Variants in PUS1 observed in about 807,000 individuals in gnomAD.
PUS1 encodes the protein pseudouridine synthase 1.
Under a neutral mutation model 38.5 loss-of-function variants are expected in PUS1, and 25 were observed. The observed-to-expected ratio is 0.65, with a 90% CI of 0.47 to 0.91. PUS1 has a LOEUF of 0.91. Among genes scored for constraint, PUS1 ranks in the 40% least tolerant of loss-of-function variants. The probability of loss-of-function intolerance (pLI) is 0.00; values close to 1 mark genes in which losing one functional copy is unlikely to be tolerated. For missense variants in PUS1, 597 were observed against 612.3 expected (o/e 0.97, Z 0.26); for synonymous variants, 282 against 260.4 (o/e 1.08, Z -0.80).
intron 3 of PUS1, among the ~76,000 whole-genome samples, chr12:131,936,067 C>T (rs1241463787): frequency 1.3e-5 from 2 of 150,440 alleles, no homozygotes; most frequent in East Asian, 2.0e-4. Flanking sequence ...AAAAATTAGC[C>T]GGGTGTGTTG....
intron 2 of PUS1, among the ~76,000 whole-genome samples, chr12:131,931,214 A>G (rs1042676236): frequency 3.9e-5 from 6 of 152,096 alleles, no homozygotes; most frequent in Non-Finnish European, 7.4e-5. Context: ...GCTGGAGTGC[A>G]GTGGTGGGAT....
intron 4 of PUS1, 46 bp downstream of exon 4, chr12:131,939,321 C>A: frequency 2.5e-6 from 3 of 1,209,882 alleles, no homozygotes; most frequent in Admixed American, 2.0e-5. Flanking sequence ...TGTAGATGGT[C>A]TTGCAGAGAC....
chr12:131,929,755 C>A lies in PUS1; in HGVS notation c.33C>A (p.Ala11=), dbSNP rs1466911864. The A allele has an allele frequency of 6.3e-7, 1 of 1,592,890 alleles. No homozygotes were observed. The highest frequency in any genetic ancestry group is 8.5e-7 in the Non-Finnish European group (1 of 1,176,900). The part of the protein sequence containing the change: MGLQLRALLG[A]FGRWTLRLGP... ...TCCAGCTTCGCGCGCTGTTGGGAGC[C>A]TTCGGACGGTGGACCCTGCGCCTGG... Residue 11 remains alanine (A), a synonymous_variant, in exon 1 of 6, where the codon GCC becomes GCA. Coordinates refer to ENST00000376649, the MANE Select transcript of PUS1 (RefSeq NM_025215.6).
chr12:131,941,582 T>C lies in PUS1; in HGVS notation c.835T>C (p.Phe279Leu). The C allele has an allele frequency of 6.2e-7, 1 of 1,613,892 alleles. No individual in the cohort carries two copies. Among genetic ancestry groups the C allele is most frequent in the Non-Finnish European group, 8.5e-7 (1 of 1,179,962 alleles). Reference sequence around the variant, plus strand: ...ACCCTTTGTGCGGGAGGGCCTGGAGTTTGCGGTGATCAGGGTGAAGGGCCA... The same window carrying C: ...ACCCTTTGTGCGGGAGGGCCTGGAGCTTGCGGTGATCAGGGTGAAGGGCCA... ...EEPFVREGLEFAVIRVKGQSF... is the reference protein window; with the variant it reads ...EEPFVREGLELAVIRVKGQSF... Residue 279 changes from phenylalanine to leucine, a missense_variant, in exon 5 of 6, where the codon TTT (phenylalanine) becomes CTT (leucine). Transcript: ENST00000376649. This position sits in a 1 kb window ranked among gnomAD's most constrained non-coding sequence, Gnocchi z 4.4.
chr12:131,938,405 C>T (rs1208983071), intron 3 of PUS1, among the ~76,000 whole-genome samples: 1 of 152,168 alleles, frequency 6.6e-6, no homozygotes, highest in Non-Finnish European at 1.5e-5. Flanking sequence ...AGATCGGCAC[C>T]ACTGCACTCC....
chr12:131,942,616 C>G (rs935743357), intron 5 of PUS1, among the ~76,000 whole-genome samples: 1 of 152,142 alleles, frequency 6.6e-6, no homozygotes, highest in Non-Finnish European at 1.5e-5. Flanking sequence ...CCATGTTAGC[C>G]AGGATGGTCT....
chr12:131,931,500 A>G (rs565459536), intron 2 of PUS1: 4 of 153,238 alleles, frequency 2.6e-5, no homozygotes, highest in African/African-American at 9.7e-5. Flanking sequence ...GATTCAAGCA[A>G]TTCTCCTGCC....
At position 131,941,628 on chromosome 12, in the gene PUS1, T is replaced by C. The variant is rs1891074269; in HGVS notation, c.881T>C (p.Ile294Thr). The C allele has an allele frequency of 6.2e-7, 1 of 1,614,120 alleles. No homozygotes were observed. Among genetic ancestry groups the C allele is most frequent in the Admixed American group, 1.7e-5 (1 of 60,008 alleles). Reference sequence around the variant, plus strand: ...GGCCAGAGCTTCATGATGCATCAGATCCGGAAGATGGTCGGCCTGGTGGTG... The same window carrying C: ...GGCCAGAGCTTCATGATGCATCAGACCCGGAAGATGGTCGGCCTGGTGGTG... ...VKGQSFMMHQIRKMVGLVVAI... is the reference protein window; with the variant it reads ...VKGQSFMMHQTRKMVGLVVAI... Residue 294 changes from isoleucine (I) to threonine (T), a missense_variant, in exon 5 of 6, where the codon ATC becomes ACC. Physicochemically the swap from Ile to Thr is moderately conservative, Grantham distance 89. Transcript: ENST00000376649. This position sits in a 1 kb window ranked among gnomAD's most constrained non-coding sequence, Gnocchi z 4.4.
chr12:131,941,394 A>G lies in PUS1; in HGVS notation c.647A>G (p.Asp216Gly), dbSNP rs528150799. The G allele has an allele frequency of 7.4e-6, 12 of 1,614,186 alleles. No individual in the cohort carries two copies. Among genetic ancestry groups the G allele is most frequent in the African/African-American group, 1.3e-5 (1 of 75,046 alleles). The change falls in exon 5 of 6, where the codon GAC (aspartate) becomes GGC (glycine). Residue 216 changes from aspartate to glycine, a missense_variant. Transcript: ENST00000376649. This position sits in a 1 kb window ranked among gnomAD's most constrained non-coding sequence, Gnocchi z 4.4. ...TTTGCCTTTGCGCACAAGGACCGGG[A>G]CGTTCAGGATGAGACCTACCGCCTG... ...PTFAFAHKDR[D>G]VQDETYRLSA...
intron 5 of PUS1, 146 bp from the exon 6 acceptor site, chr12:131,943,393 C>T: frequency 3.9e-6 from 3 of 766,402 alleles, no homozygotes; most frequent in Non-Finnish European, 7.1e-6. Context: ...AAGAGAATGA[C>T]CGAGAACAAA....
rs1173935091 is a variant in PUS1, at chr12:131,929,800, A to G, written c.74+4A>G. The G allele has an allele frequency of 3.8e-6, 6 of 1,581,932 alleles. No individual in the cohort carries two copies. Among genetic ancestry groups the G allele is most frequent in the Admixed American group, 1.7e-5 (1 of 58,476 alleles). The stretch of plus-strand genomic sequence containing the variant: ...GCCTGGGACCGCGTCCGTCCTGGTA[A>G]TGACCGCGACGCCGGGCGACCCCGC... On this transcript the variant is annotated splice_donor_region_variant and intron_variant, in intron 1 of 5. Coordinates refer to ENST00000376649, the MANE Select transcript of PUS1 (RefSeq NM_025215.6).
Position 131,941,292 on chromosome 12 carries a change from G to T in PUS1, c.545G>T (p.Gly182Val). ...TCCTCCCTGACCACCTCCCCCCTAG[G>T]ACTGAAGCGGGTCACGGGCGGGTTT... ...SHLPSHIRIL[G>V]LKRVTGGFNS... Residue 182 changes from glycine (G) to valine (V), a missense_variant and splice_region_variant, in exon 5 of 6, where the codon GGA (glycine) becomes GTA (valine). Gly to Val is a moderately radical substitution (Grantham distance 109). Coordinates refer to ENST00000376649, the MANE Select transcript of PUS1 (RefSeq NM_025215.6). The surrounding 1 kb of genome is among the most constrained non-coding windows in gnomAD (Gnocchi z 4.4). The T allele has an allele frequency of 6.2e-7, 1 of 1,614,034 alleles. No individual in the cohort carries two copies. The highest frequency in any genetic ancestry group is 8.5e-7 in the Non-Finnish European group (1 of 1,179,966).
intron 4 of PUS1, among the ~76,000 whole-genome samples, chr12:131,939,951 G>A (rs183532078): frequency 1.3e-5 from 2 of 152,218 alleles, no homozygotes; most frequent in South Asian, 2.1e-4. Flanking sequence ...GCGTGAATCT[G>A]TCGTCTTGCT....
At chr12:131,932,002 GGTGA>G (rs763453025) in intron 2 of PUS1, 169 bp from the exon 3 acceptor site, 210 of 705,976 alleles carry the variant, frequency 3.0e-4, no homozygotes, top group South Asian at 7.2e-4. Context: ...CCGGCCCCAG[GGTGA>G]GTGAGCAGAA....
chr12:131,932,036 C>T (rs934998841), intron 2 of PUS1, 139 bp from the exon 3 acceptor site: 6 of 763,312 alleles, frequency 7.9e-6, no homozygotes, highest in African/African-American at 5.2e-5. Context: ...TTCACATGAG[C>T]GTGGCAGCTC....
rs1310692748 is a variant in PUS1, at chr12:131,929,289, G to A, written c.-434G>A. 1.7e-5 allele frequency: 3 copies of A among 177,132 alleles called. No homozygotes were observed. Among genetic ancestry groups the A allele is most frequent in the Non-Finnish European group, 3.5e-5 (3 of 85,222 alleles). 11.0% of individuals were successfully genotyped at this position (177,132 alleles called of 1,614,324 possible). A position where few individuals can be genotyped will look rare whatever the true frequency, so the allele number is the denominator to read the frequency against. ...CGGCTCCGGCTCAGTCAGCCGCGTC[G>A]CGAATGGGGCAGGAGCGAGCCTCTC... On this transcript the variant is annotated 5_prime_UTR_variant, in exon 1 of 6. Coordinates refer to ENST00000376649, the MANE Select transcript of PUS1 (RefSeq NM_025215.6).
At position 131,931,240 on chromosome 12, in the gene PUS1, C is replaced by G. The variant is rs371735266; in HGVS notation, c.304-935C>G. On this transcript the variant is annotated intron_variant, in intron 2 of 5. Coordinates refer to ENST00000376649, the MANE Select transcript of PUS1 (RefSeq NM_025215.6). ...GTGGTGGGATTTTGGCTTACTGCAG[C>G]CTCCGCCTCCCGGGTTCCACCGATT... Among the ~76,000 whole-genome samples, 25 of 152,208 alleles carry G rather than the reference C, an allele frequency of 1.6e-4. No individual in the cohort carries two copies. In the East Asian group the frequency reaches 2.1e-3, roughly 13 times the overall value.
Position 131,933,064 on chromosome 12 carries a change from G to A in PUS1, c.441+752G>A, listed in dbSNP as rs181812565. Among the ~76,000 whole-genome samples the A allele has an allele frequency of 2.6e-3, 392 of 152,124 alleles. 3 individuals carry two copies. Among genetic ancestry groups the A allele is most frequent in the Middle Eastern group, 0.01 (3 of 294 alleles). ...TCACGAGAACAGCATGGGGGAAGCCGGGCCCATGATCCAGTCACCTCCCAC... is the reference window on the plus strand; with the variant it reads ...TCACGAGAACAGCATGGGGGAAGCCAGGCCCATGATCCAGTCACCTCCCAC... On this transcript the variant is annotated intron_variant, in intron 3 of 5. Coordinates refer to ENST00000376649, the MANE Select transcript of PUS1 (RefSeq NM_025215.6).
chr12:131,929,875 CG>C (rs1890507490), intron 1 of PUS1, 31 bp from the exon 2 acceptor site: 2 of 1,445,606 alleles, frequency 1.4e-6, no homozygotes, highest in Non-Finnish European at 1.8e-6. Context: ...CGGTGCCGAG[CG>C]GGCCCCCGCT....
Sources: gnomAD v4.1 joint callset for allele counts (sites outside exome capture counted in the v4.1 genomes callset) on GRCh38, gnomAD v4.1.1 for gene constraint, Gnocchi (gnomAD v3.1) non-coding constraint, MANE v1.5 for transcripts, NCBI Gene and HGNC (gene_info 2026-07-23, HGNC 2026-07-21) for gene names.